Variants in BCAT1 observed in about 807,000 individuals in gnomAD.
BCAT1 encodes the protein branched chain amino acid transaminase 1.
In BCAT1, 48 loss-of-function variants were observed where a neutral mutation model predicts 52.4. The ratio of observed to expected loss-of-function variants is 0.92; its 90% CI spans 0.73 to 1.16. The LOEUF (loss-of-function observed/expected upper bound fraction) is 1.16, where lower values mean the gene tolerates loss of function less well. Ranked by LOEUF, BCAT1 falls within the 50% of genes most tolerant of loss-of-function variation. BCAT1 has a pLI of 0.00. For synonymous variants in BCAT1, 167 were observed against 161.3 expected, an observed-to-expected ratio of 1.04 and a Z score of -0.27; for missense variants, 451 against 457.1, an observed-to-expected ratio of 0.99 and a Z score of 0.12.
intron 1 of BCAT1, among the ~76,000 whole-genome samples, chr12:24,909,825 CCA>C (rs1385875635): frequency 2.0e-5 from 3 of 152,298 alleles, no homozygotes; most frequent in East Asian, 3.9e-4. Context: ...TGGAACTACC[CCA>C]CCTAGAACCC....
At chr12:24,878,494 C>T in intron 5 of BCAT1, 36 bp downstream of exon 5, 1 of 1,582,742 alleles carries the variant, frequency 6.3e-7, no homozygotes, top group Non-Finnish European at 8.6e-7. Context: ...ATAACTTGCC[C>T]AGCAAAGTAC....
chr12:24,871,213 G>T (rs1364239035), intron 5 of BCAT1, among the ~76,000 whole-genome samples: 1 of 152,132 alleles, frequency 6.6e-6, no homozygotes, highest in Non-Finnish European at 1.5e-5. Flanking sequence ...TGTAAGATGG[G>T]CCTGGGCCTT....
chr12:24,888,697 C>G (rs1942750679), intron 3 of BCAT1, among the ~76,000 whole-genome samples: 1 of 152,132 alleles, frequency 6.6e-6, no homozygotes, highest in South Asian at 2.1e-4. Context: ...AGAAGGCAAT[C>G]ACACTTCCTA....
chr12:24,855,048 T>C (rs987582854), intron 5 of BCAT1, among the ~76,000 whole-genome samples: 1 of 152,200 alleles, frequency 6.6e-6, no homozygotes, highest in Non-Finnish European at 1.5e-5. Flanking sequence ...CCAGTCATCC[T>C]GCTAGCCTTG....
chr12:24,915,460 A>C (rs944291293), intron 1 of BCAT1, among the ~76,000 whole-genome samples: 5 of 152,228 alleles, frequency 3.3e-5, no homozygotes, highest in Non-Finnish European at 7.3e-5. Flanking sequence ...AATTAGATAA[A>C]TCTTTACATT....
At position 24,812,415 on chromosome 12, in the gene BCAT1, A is replaced by G. The variant is rs920046921; in HGVS notation, c.*5593T>C. The G allele has an allele frequency of 2.0e-5, 3 of 152,068 alleles. No homozygotes were observed. Among genetic ancestry groups the G allele is most frequent in the Non-Finnish European group, 4.4e-5 (3 of 67,924 alleles). 9.4% of individuals were successfully genotyped at this position (152,068 alleles called of 1,614,324 possible). Reference sequence around the variant, plus strand: ...AGAATAAAATGGTTGAAGAAATGACACAATAGATATTACTTACTATGCTAT... The same window carrying G: ...AGAATAAAATGGTTGAAGAAATGACGCAATAGATATTACTTACTATGCTAT... On this transcript the variant is annotated 3_prime_UTR_variant, in exon 11 of 11. Transcript: ENST00000261192.
At chr12:24,914,148 C>A (rs1195461908) in intron 1 of BCAT1, among the ~76,000 whole-genome samples, 3 of 149,636 alleles carry the variant, frequency 2.0e-5, no homozygotes, top group South Asian at 2.1e-4. Context: ...GTGTCATAAT[C>A]TCAGCTCACT....
At position 24,836,573 on chromosome 12, in the gene BCAT1, G is replaced by A. The variant is rs1474766818; in HGVS notation, c.841C>T (p.Leu281=). 6.2e-7 allele frequency: 1 copy of A among 1,612,694 alleles called. No homozygotes were observed. The highest frequency in any genetic ancestry group is 1.1e-5 in the South Asian group (1 of 90,594). ...DGEEELATPP[L]DGIILPGVTR... The stretch of plus-strand genomic sequence containing the variant: ...ACTCCTGGAAGAATGATGCCATCTA[G>A]TGGAGGAGTTGCCAGTTCTTCTTCT... Residue 281 remains leucine (L), a synonymous_variant, in exon 8 of 11, where the codon CTA becomes TTA. Transcript: ENST00000261192.
intron 3 of BCAT1, among the ~76,000 whole-genome samples, chr12:24,882,351 T>C (rs1942528298): frequency 6.6e-6 from 1 of 151,992 alleles, no homozygotes; most frequent in Non-Finnish European, 1.5e-5. Flanking sequence ...TAATGAAAAG[T>C]AAGGCCTTTA....
chr12:24,930,677 T>C (rs1175134963), intron 1 of BCAT1, among the ~76,000 whole-genome samples: 1 of 152,216 alleles, frequency 6.6e-6, no homozygotes, highest in Non-Finnish European at 1.5e-5. Context: ...CAAGCTCTCC[T>C]TGCTTGGCTG....
At chr12:24,938,349 C>T (rs998890566) in intron 1 of BCAT1, among the ~76,000 whole-genome samples, 2 of 152,104 alleles carry the variant, frequency 1.3e-5, no homozygotes, top group African/African-American at 4.8e-5. Context: ...GAGCAGGAAA[C>T]CCTTAGGGAA....
intron 3 of BCAT1, among the ~76,000 whole-genome samples, chr12:24,885,378 C>G (rs995460794): frequency 6.6e-6 from 1 of 151,876 alleles, no homozygotes. Context: ...TAAAACTTTA[C>G]CAAGTTATTA....
rs71063366 is a variant in BCAT1, at chr12:24,859,618, CAAA to C, written c.511-9672_511-9670del. Among the ~76,000 whole-genome samples, 335 of 93,956 alleles carry C rather than the reference CAAA, an allele frequency of 3.6e-3. 3 individuals carry two copies. The East Asian group carries it at 0.045, about 13-fold the overall frequency. 61.6% of individuals were successfully genotyped at this position (93,956 alleles called of 152,430 possible). ...CTGGGCGACAGAGCCAGACTCGTCT[CAAA>C]AAAAAAAAAAAAAAAAAAGGATTTT... On this transcript the variant is annotated intron_variant, in intron 5 of 10. Transcript: ENST00000261192.
chr12:24,870,572 CAAG>C (rs1224358513), intron 5 of BCAT1, among the ~76,000 whole-genome samples: 1 of 152,198 alleles, frequency 6.6e-6, no homozygotes, highest in Non-Finnish European at 1.5e-5. Flanking sequence ...TCTGTGAAAG[CAAG>C]AAGATAGTTT....
intron 5 of BCAT1, among the ~76,000 whole-genome samples, chr12:24,856,336 T>C (rs1268261181): frequency 1.3e-5 from 2 of 152,196 alleles, no homozygotes; most frequent in African/African-American, 4.8e-5. Context: ...TCTACTGCAC[T>C]ACTTCCTCTG....
intron 3 of BCAT1, among the ~76,000 whole-genome samples, chr12:24,886,181 G>C (rs2139618215): frequency 6.6e-6 from 1 of 152,300 alleles, no homozygotes; most frequent in South Asian, 2.1e-4. Context: ...ACTTTGAGAA[G>C]CTGAAGCGAG....
At chr12:24,860,600 C>T (rs1216295593) in intron 5 of BCAT1, among the ~76,000 whole-genome samples, 1 of 152,138 alleles carries the variant, frequency 6.6e-6, no homozygotes, top group Non-Finnish European at 1.5e-5. Flanking sequence ...AGAGACACTG[C>T]CTGTTTTACC....
At chr12:24,906,105 C>G (rs925240242) in intron 1 of BCAT1, among the ~76,000 whole-genome samples, 4 of 151,418 alleles carry the variant, frequency 2.6e-5, no homozygotes, top group African/African-American at 9.7e-5. Context: ...GAGAGGATTA[C>G]CTGAACTTGG....
intron 2 of BCAT1, among the ~76,000 whole-genome samples, 174 bp downstream of exon 2, chr12:24,901,640 A>C (rs1943106237): frequency 6.6e-6 from 1 of 152,226 alleles, no homozygotes; most frequent in Non-Finnish European, 1.5e-5. Context: ...TGATGAATGT[A>C]CTGTCACTCT....
Sources: allele counts gnomAD v4.1 joint callset (sites outside exome capture counted in the v4.1 genomes callset), GRCh38; gene constraint gnomAD v4.1.1; transcripts MANE v1.5; gene names NCBI Gene and HGNC (gene_info 2026-07-23, HGNC 2026-07-21).